DOCK5: variants seen among roughly 807,000 people sequenced by gnomAD.
DOCK5 encodes the protein dedicator of cytokinesis 5, also known as dedicator of cytokinesis protein 5.
Under a neutral mutation model 251.8 loss-of-function variants are expected in DOCK5, and 142 were observed. The ratio of observed to expected loss-of-function variants is 0.56; its 90% CI spans 0.49 to 0.65. The LOEUF (loss-of-function observed/expected upper bound fraction) is 0.65. DOCK5 is among the 30% of genes least tolerant of loss of function. DOCK5 has a pLI of 0.00. For synonymous variants in DOCK5, 842 were observed against 835.5 expected, an observed-to-expected ratio of 1.01 and a Z score of -0.13; for missense variants, 2,111 against 2,312.3, an observed-to-expected ratio of 0.91 and a Z score of 1.79.
chr8:25,341,706 CA>C (rs767246574), intron 23 of DOCK5, 32 bp from the exon 24 acceptor site: 1 of 1,543,182 alleles, frequency 6.5e-7, no homozygotes, highest in South Asian at 1.2e-5. Flanking sequence ...TCTTGCCTGG[CA>C]ACTGAATTTG....
chr8:25,366,147 A>G (rs1006490210), intron 30 of DOCK5, among the ~76,000 whole-genome samples: 2 of 152,120 alleles, frequency 1.3e-5, no homozygotes, highest in Non-Finnish European at 2.9e-5. Context: ...TCCATTTTCT[A>G]TTATATTAAA....
At chr8:25,206,458 A>C (rs1001198100) in intron 1 of DOCK5, among the ~76,000 whole-genome samples, 5 of 152,316 alleles carry the variant, frequency 3.3e-5, no homozygotes, top group African/African-American at 9.6e-5. Flanking sequence ...GGATTAAGAG[A>C]TAGCTCACAG....
chr8:25,205,943 G>T (rs1001394318), intron 1 of DOCK5, among the ~76,000 whole-genome samples: 8 of 152,172 alleles, frequency 5.3e-5, no homozygotes, highest in African/African-American at 1.9e-4. Context: ...AGTTTATAAT[G>T]AATTAAAAGA....
Position 25,368,742 on chromosome 8 carries a change from C to G in DOCK5, c.3438+17C>G, listed in dbSNP as rs763235500. On this transcript the variant is annotated intron_variant, in intron 33 of 51. Coordinates refer to ENST00000276440, the MANE Select transcript of DOCK5 (RefSeq NM_024940.8). Reference sequence around the variant, plus strand: ...TTCCATATGGTAAGAAGTGGCAGACCGCGTAATATTAGTAAATGGACATAT... The same window carrying G: ...TTCCATATGGTAAGAAGTGGCAGACGGCGTAATATTAGTAAATGGACATAT... The G allele has an allele frequency of 6.2e-7, 1 of 1,607,208 alleles. No individual in the cohort carries two copies. The highest frequency in any genetic ancestry group is 8.5e-7 in the Non-Finnish European group (1 of 1,176,328).
intron 2 of DOCK5, among the ~76,000 whole-genome samples, chr8:25,264,720 A>G (rs535885651): frequency 1.3e-4 from 20 of 151,910 alleles, no homozygotes; most frequent in Admixed American, 8.5e-4. Context: ...CCAGCTACTG[A>G]GAAGGATGAA....
At position 25,243,693 on chromosome 8, in the gene DOCK5, T is replaced by G. The variant is rs761191943; in HGVS notation, c.63T>G (p.Ala21=). ...KYGVAIYNYN[A]SQDVELSLQI... ...TTCCAGCGATCTATAACTACAATGCTTCTCAAGATGTGGAGCTCTCCTTGC... is the reference window on the plus strand; with the variant it reads ...TTCCAGCGATCTATAACTACAATGCGTCTCAAGATGTGGAGCTCTCCTTGC... The change falls in exon 2 of 52, where the codon GCT becomes GCG. Residue 21 remains alanine (A), a synonymous_variant. Transcript: ENST00000276440. The G allele has an allele frequency of 1.2e-6, 2 of 1,613,516 alleles. No homozygotes were observed. Among genetic ancestry groups the G allele is most frequent in the South Asian group, 2.2e-5 (2 of 91,056 alleles).
intron 1 of DOCK5, among the ~76,000 whole-genome samples, chr8:25,222,944 C>T (rs1481035408): frequency 6.6e-6 from 1 of 152,174 alleles, no homozygotes; most frequent in African/African-American, 2.4e-5. Context: ...AAGGGCTTCT[C>T]ACCCTACCTG....
chr8:25,397,643 G>T (rs968917871), intron 45 of DOCK5, among the ~76,000 whole-genome samples: 1 of 152,200 alleles, frequency 6.6e-6, no homozygotes, highest in Non-Finnish European at 1.5e-5. Context: ...AATACTTTCA[G>T]TGTGTACTTT....
intron 28 of DOCK5, among the ~76,000 whole-genome samples, chr8:25,361,231 C>T (rs1800673019): frequency 1.3e-5 from 2 of 152,178 alleles, no homozygotes; most frequent in Admixed American, 1.3e-4. Flanking sequence ...TATCTAAATT[C>T]AATCCTTGCT....
At chr8:25,187,285 ATG>A (rs1455754466) in intron 1 of DOCK5, among the ~76,000 whole-genome samples, 22 of 149,090 alleles carry the variant, frequency 1.5e-4, no homozygotes, top group African/African-American at 5.5e-4. Flanking sequence ...ATATGTATAT[ATG>A]TATATACATA....
At chr8:25,308,733 A>G in intron 11 of DOCK5, 50 bp from the exon 12 acceptor site, 1 of 1,602,478 alleles carries the variant, frequency 6.2e-7, no homozygotes, top group Non-Finnish European at 8.5e-7. Context: ...TGTGCTGCAG[A>G]GACTTCCTTT....
At chr8:25,338,064 G>A (rs1045036033) in intron 22 of DOCK5, among the ~76,000 whole-genome samples, 2 of 151,920 alleles carry the variant, frequency 1.3e-5, no homozygotes, top group Admixed American at 1.3e-4. Context: ...TTGTTTTTGA[G>A]ACAGGGTCTG....
chr8:25,282,575 C>A (rs565678096), intron 5 of DOCK5, among the ~76,000 whole-genome samples: 1 of 152,206 alleles, frequency 6.6e-6, no homozygotes, highest in East Asian at 1.9e-4. Context: ...TTAAAGACAC[C>A]TGTGGCCAGC....
At chr8:25,278,105 G>T (rs994677988) in intron 4 of DOCK5, among the ~76,000 whole-genome samples, 3 of 152,084 alleles carry the variant, frequency 2.0e-5, no homozygotes, top group Admixed American at 6.6e-5. Context: ...TGCTGCCTCC[G>T]TATCCCCCAC....
intron 1 of DOCK5, among the ~76,000 whole-genome samples, chr8:25,199,683 A>AACTTCTGC (rs1350740874): frequency 6.6e-6 from 1 of 152,130 alleles, no homozygotes; most frequent in Non-Finnish European, 1.5e-5. Context: ...ACGCCCAACC[A>AACTTCTGC]ACTTCTGCTC....
intron 14 of DOCK5, among the ~76,000 whole-genome samples, chr8:25,317,755 C>T (rs930481685): frequency 2.0e-5 from 3 of 152,290 alleles, no homozygotes; most frequent in East Asian, 1.9e-4. Flanking sequence ...GGACTACAAG[C>T]GCCCACCACC....
chr8:25,342,618 C>G lies in DOCK5; in HGVS notation c.2617+111C>G, dbSNP rs1805981633. On this transcript the variant is annotated intron_variant, in intron 25 of 51. Transcript: ENST00000276440. ...CTCCATCTCAAAAAGCTAAAACAAG[C>G]TGCTGCATGCTGAGATGACAGCCCC... 7 of 623,512 alleles carry G rather than the reference C, an allele frequency of 1.1e-5. No homozygotes were observed. The South Asian group carries it at 1.8e-4, about 16-fold the overall frequency. The allele number at this position is 623,512 out of a possible 1,614,324, so 38.6% of individuals were successfully genotyped here. A position where few individuals can be genotyped will look rare whatever the true frequency, so the allele number is the denominator to read the frequency against.
chr8:25,350,002 AGAGAG>A (rs1179733177), intron 26 of DOCK5, among the ~76,000 whole-genome samples: 1 of 152,232 alleles, frequency 6.6e-6, no homozygotes. Context: ...TCCTAGAAGC[AGAGAG>A]TAGAACATTC....
intron 17 of DOCK5, among the ~76,000 whole-genome samples, 174 bp downstream of exon 17, chr8:25,324,125 C>T (rs1805497968): frequency 1.3e-5 from 2 of 152,204 alleles, no homozygotes; most frequent in African/African-American, 4.8e-5. Flanking sequence ...GGTTTCCCAC[C>T]TGCTTTCTGG....
Sources: allele counts gnomAD v4.1 joint callset (sites outside exome capture counted in the v4.1 genomes callset), GRCh38; gene constraint gnomAD v4.1.1; transcripts MANE v1.5; gene names NCBI Gene and HGNC (gene_info 2026-07-23, HGNC 2026-07-21).